The following EEIG2 variants were observed in gnomAD, a reference collection of about 807,000 sequenced individuals.
The protein encoded by EEIG2 is family with sequence similarity 102 member B.
the EEIG2 span, among the ~76,000 whole-genome samples, chr1:108,564,998 GC>G: frequency 3.3e-5 from 5 of 152,168 alleles, no homozygotes; most frequent in South Asian, 1.0e-3. Flanking sequence ...AATTTTAGAA[GC>G]CAGTTTTTCT....
At chr1:108,631,846 G>A in the EEIG2 span, among the ~76,000 whole-genome samples, 1 of 151,938 alleles carries the variant, frequency 6.6e-6, no homozygotes, top group South Asian at 2.1e-4. Context: ...GGACATGGTG[G>A]CTCACACCTG....
the EEIG2 span, among the ~76,000 whole-genome samples, chr1:108,606,964 C>G: frequency 7.2e-5 from 11 of 152,126 alleles, no homozygotes; most frequent in Non-Finnish European, 1.0e-4. Flanking sequence ...TGCCTAGCCC[C>G]TGTACACTAG....
chr1:108,597,476 A>G, the EEIG2 span, among the ~76,000 whole-genome samples: 1 of 152,192 alleles, frequency 6.6e-6, no homozygotes, highest in Non-Finnish European at 1.5e-5. Context: ...CATCTCAGTC[A>G]TCTGCAGGAG....
chr1:108,617,835 T>C, the EEIG2 span, among the ~76,000 whole-genome samples: 1,216 of 152,272 alleles, frequency 8.0e-3, 15 homozygotes, highest in African/African-American at 0.028. Flanking sequence ...TAAGCACCTG[T>C]GTCACACGCT....
At chr1:108,569,631 A>G in the EEIG2 span, among the ~76,000 whole-genome samples, 1 of 152,150 alleles carries the variant, frequency 6.6e-6, no homozygotes, top group Non-Finnish European at 1.5e-5. Flanking sequence ...CCTCACCTAA[A>G]TGATTCTTAA....
chr1:108,611,432 G>A, the EEIG2 span, among the ~76,000 whole-genome samples: 2 of 152,190 alleles, frequency 1.3e-5, no homozygotes, highest in African/African-American at 4.8e-5. Flanking sequence ...TTTGGCAGCT[G>A]CAGAAAATGG....
chr1:108,563,903 A>G, the EEIG2 span, among the ~76,000 whole-genome samples: 2 of 152,192 alleles, frequency 1.3e-5, no homozygotes, highest in East Asian at 1.9e-4. Context: ...TTAATTTACA[A>G]CTGTAATGGT....
At chr1:108,577,973 C>A in the EEIG2 span, among the ~76,000 whole-genome samples, 2 of 150,238 alleles carry the variant, frequency 1.3e-5, no homozygotes, top group African/African-American at 2.5e-5. Flanking sequence ...CTTTTATTTC[C>A]TTGAGCAGTG....
the EEIG2 span, chr1:108,635,149 A>AG: frequency 2.2e-5 from 36 of 1,614,208 alleles, no homozygotes; most frequent in Admixed American, 4.2e-4. Context: ...ATCAAACGCT[A>AG]GAAGTCAAGT....
the EEIG2 span, among the ~76,000 whole-genome samples, chr1:108,579,839 G>A: frequency 7.3e-6 from 1 of 137,712 alleles, no homozygotes; most frequent in African/African-American, 2.6e-5. Context: ...GTGCGATGAT[G>A]CATTCTTGGT....
At chr1:108,631,714 A>G in the EEIG2 span, among the ~76,000 whole-genome samples, 1 of 152,232 alleles carries the variant, frequency 6.6e-6, no homozygotes, top group Non-Finnish European at 1.5e-5. Context: ...TGCCAGGCAC[A>G]GGTACATATA....
the EEIG2 span, among the ~76,000 whole-genome samples, chr1:108,597,247 G>T: frequency 3.9e-5 from 6 of 152,234 alleles, no homozygotes; most frequent in Admixed American, 3.9e-4. Flanking sequence ...GAGGCTGGTT[G>T]GATTCCCCAG....
chr1:108,637,275 TAAGG>T, the EEIG2 span: 2 of 152,150 alleles, frequency 1.3e-5, no homozygotes, highest in Non-Finnish European at 2.9e-5. Context: ...GAAACACTGA[TAAGG>T]AAGAAAAAAG....
At chr1:108,562,120 C>T in the EEIG2 span, among the ~76,000 whole-genome samples, 3,322 of 152,244 alleles carry the variant, frequency 0.022, 50 homozygotes, top group Non-Finnish European at 0.032. Flanking sequence ...GGTTCCATTT[C>T]GTAGATAAAT....
the EEIG2 span, among the ~76,000 whole-genome samples, chr1:108,578,016 T>A: frequency 4.0e-5 from 6 of 149,730 alleles, no homozygotes; most frequent in Non-Finnish European, 6.0e-5. Context: ...GTCCTTCACA[T>A]CCCTTGTAAG....
chr1:108,625,075 G>A, the EEIG2 span: 7,647 of 207,612 alleles, frequency 0.037, 187 homozygotes, highest in South Asian at 0.076. Context: ...CTCGGGTGTC[G>A]CTCCTCTTCC....
chr1:108,598,765 T>C, the EEIG2 span, among the ~76,000 whole-genome samples: 1 of 152,176 alleles, frequency 6.6e-6, no homozygotes, highest in East Asian at 1.9e-4. Flanking sequence ...CACAAATACA[T>C]ACTTGATTTT....
the EEIG2 span, among the ~76,000 whole-genome samples, chr1:108,579,981 T>A: frequency 2.6e-5 from 4 of 152,138 alleles, no homozygotes; most frequent in East Asian, 5.8e-4. Context: ...CCTGGGCTGG[T>A]CTCGAGCACT....
chr1:108,564,759 A>G, the EEIG2 span, among the ~76,000 whole-genome samples: 4 of 152,148 alleles, frequency 2.6e-5, no homozygotes, highest in African/African-American at 9.7e-5. Context: ...CCTGGGCAAC[A>G]TGGCAAAACC....
Sources: allele counts gnomAD v4.1 joint callset (sites outside exome capture counted in the v4.1 genomes callset), GRCh38; gene constraint gnomAD v4.1.1; transcripts MANE v1.5; gene names NCBI Gene and HGNC (gene_info 2026-07-23, HGNC 2026-07-21).